The following PCDH15 variants were observed in gnomAD, a reference collection of about 807,000 sequenced individuals.
PCDH15 encodes the protein protocadherin-15.
In PCDH15, 129 loss-of-function variants were observed where a neutral mutation model predicts 178.5. That is an observed-to-expected ratio of 0.72 (90% confidence interval 0.63 to 0.84). PCDH15 has a LOEUF of 0.84. Ranked by LOEUF, PCDH15 falls within the 40% of genes least tolerant of loss-of-function variation. PCDH15 has a pLI of 0.00. For missense variants in PCDH15, 2,230 were observed against 2,099.9 expected, an observed-to-expected ratio of 1.06 and a Z score of -1.21; for synonymous variants, 800 against 732.0, an observed-to-expected ratio of 1.09 and a Z score of -1.50.
Position 55,583,352 on chromosome 10 carries a change from A to G in PCDH15, c.-156+44273T>C, listed in dbSNP as rs140013178. On this transcript the variant is annotated intron_variant, in intron 2 of 5. Coordinates refer to the PCDH15 transcript ENST00000613346. ...CATTCCATTAATTTATATAGCTTCA[A>G]TAGAATATAACATGACCCATAATGT... Among the ~76,000 whole-genome samples, 58 of 152,336 alleles carry G rather than the reference A, an allele frequency of 3.8e-4. No individual in the cohort carries two copies. The East Asian group carries it at 0.011, about 28-fold the overall frequency.
intron 2 of PCDH15, among the ~76,000 whole-genome samples, chr10:55,434,141 C>CAT (rs1392422212): frequency 1.7e-5 from 2 of 116,416 alleles, no homozygotes; most frequent in African/African-American, 6.8e-5. Context: ...AGTGCAGTGG[C>CAT]GCCCTCTAGG....
intron 2 of PCDH15, among the ~76,000 whole-genome samples, chr10:55,577,226 G>A (rs1174685733): frequency 2.6e-5 from 4 of 152,160 alleles, no homozygotes; most frequent in Non-Finnish European, 5.9e-5. Context: ...CTGGGTGACA[G>A]AGTGACTCCA....
chr10:54,884,571 G>A (rs1264397523), intron 3 of PCDH15, among the ~76,000 whole-genome samples: 1 of 151,416 alleles, frequency 6.6e-6, no homozygotes, highest in East Asian at 1.9e-4. Context: ...AAGCCCTCAG[G>A]ACCAGATTCT....
At chr10:53,884,320 C>G (rs547229439) in intron 26 of PCDH15, among the ~76,000 whole-genome samples, 1 of 152,200 alleles carries the variant, frequency 6.6e-6, no homozygotes, top group African/African-American at 2.4e-5. Flanking sequence ...TGTTTTACAC[C>G]CTTTAACAAA....
intron 1 of PCDH15, among the ~76,000 whole-genome samples, chr10:55,197,316 T>G (rs979820312): frequency 5.9e-5 from 9 of 152,056 alleles, no homozygotes; most frequent in African/African-American, 2.2e-4. Context: ...CTCTATTTAT[T>G]CAATAAACAG....
chr10:55,449,822 ATT>A (rs573491502), intron 2 of PCDH15, among the ~76,000 whole-genome samples: 1 of 151,888 alleles, frequency 6.6e-6, no homozygotes, highest in Middle Eastern at 3.4e-3. Flanking sequence ...TTTTTCACTA[ATT>A]TTTTTTCTGA....
In PCDH15 at chr10:55,187,749, A is replaced by T. The variant is rs1839836183; in HGVS notation, c.-155-21098T>A. Among the ~76,000 whole-genome samples the T allele has an allele frequency of 2.0e-5, 3 of 152,016 alleles. No homozygotes were observed. The South Asian group carries it at 6.2e-4, about 31-fold the overall frequency. On this transcript the variant is annotated intron_variant, in intron 1 of 5. Coordinates refer to the PCDH15 transcript ENST00000458638. ...TCATTAATAAACATCAACAACAAAGAAAAAGAACATGTAACAGAGAGAGGC... is the reference window on the plus strand; with the variant it reads ...TCATTAATAAACATCAACAACAAAGTAAAAGAACATGTAACAGAGAGAGGC...
chr10:54,469,906 T>C (rs1008975619), intron 3 of PCDH15, among the ~76,000 whole-genome samples: 4 of 152,078 alleles, frequency 2.6e-5, no homozygotes, highest in African/African-American at 9.7e-5. Context: ...GTACTAGCTG[T>C]GGTGGTAGCA....
intron 8 of PCDH15, among the ~76,000 whole-genome samples, chr10:54,279,471 G>A (rs537648119): frequency 6.6e-6 from 1 of 151,644 alleles, no homozygotes; most frequent in Non-Finnish European, 1.5e-5. Context: ...GTTCGCTGTT[G>A]TGGAAAGTTT....
At chr10:54,715,362 C>A (rs1193802244) in intron 1 of PCDH15, among the ~76,000 whole-genome samples, 1 of 150,966 alleles carries the variant, frequency 6.6e-6, no homozygotes, top group Non-Finnish European at 1.5e-5. Flanking sequence ...TTAAATCGCC[C>A]ATGCACTTGT....
intron 16 of PCDH15, among the ~76,000 whole-genome samples, chr10:54,080,279 C>G (rs1460599432): frequency 6.6e-6 from 1 of 152,026 alleles, no homozygotes; most frequent in Non-Finnish European, 1.5e-5. Flanking sequence ...AATACCTACT[C>G]CTTATCTTTT....
intron 21 of PCDH15, among the ~76,000 whole-genome samples, chr10:53,978,913 T>C (rs1228948959): frequency 6.6e-6 from 1 of 152,172 alleles, no homozygotes. Flanking sequence ...GCCTGGACTT[T>C]ATTGTCCATA....
rs550896588 is a variant in PCDH15 at position 54,574,209 on chromosome 10, G to T, written c.92-46332C>A. Among the ~76,000 whole-genome samples, 183 of 151,414 alleles carry T rather than the reference G, an allele frequency of 1.2e-3. 1 individual carries two copies. Among genetic ancestry groups the T allele is most frequent in the African/African-American group, 4.3e-3 (176 of 41,224 alleles). Reference sequence around the variant, plus strand: ...TCTTGAATTAATTTTTGTATAAGGTGTAAGGAAGGGATCCAGTTTCAGCTT... The same window carrying T: ...TCTTGAATTAATTTTTGTATAAGGTTTAAGGAAGGGATCCAGTTTCAGCTT... On this transcript the variant is annotated intron_variant, in intron 2 of 37. Coordinates refer to ENST00000644397, the MANE Select transcript of PCDH15 (RefSeq NM_001384140.1).
At chr10:54,961,620 C>T (rs1271398043) in intron 2 of PCDH15, among the ~76,000 whole-genome samples, 1 of 152,200 alleles carries the variant, frequency 6.6e-6, no homozygotes, top group Non-Finnish European at 1.5e-5. Context: ...AGACATTCTT[C>T]AGGGTGACCT....
chr10:55,251,736 T>C (rs1290705503), intron 1 of PCDH15, among the ~76,000 whole-genome samples: 1 of 150,826 alleles, frequency 6.6e-6, no homozygotes, highest in East Asian at 1.9e-4. Flanking sequence ...CTCTGATTAA[T>C]TTTTTTTAAA....
intron 3 of PCDH15, among the ~76,000 whole-genome samples, chr10:54,859,502 A>T (rs1953802544): frequency 6.6e-6 from 1 of 151,962 alleles, no homozygotes; most frequent in South Asian, 2.1e-4. Context: ...CATTTTGTAC[A>T]TGAACATAAC....
chr10:53,957,861 T>C (rs1296209201), intron 23 of PCDH15, among the ~76,000 whole-genome samples: 4 of 152,130 alleles, frequency 2.6e-5, no homozygotes, highest in Non-Finnish European at 5.9e-5. Flanking sequence ...ATAATGTACA[T>C]GTGGGTGAGA....
At chr10:53,950,727 T>C (rs938784932) in intron 23 of PCDH15, among the ~76,000 whole-genome samples, 1 of 152,202 alleles carries the variant, frequency 6.6e-6, no homozygotes, top group Non-Finnish European at 1.5e-5. Context: ...ACTTCACCTA[T>C]GGGAGTCAAT....
chr10:53,939,726 C>CATA (rs1181711645), intron 24 of PCDH15, among the ~76,000 whole-genome samples: 1 of 151,852 alleles, frequency 6.6e-6, no homozygotes, highest in African/African-American at 2.4e-5. Context: ...GTAGTTAATA[C>CATA]ATAATAGATG....
Sources: allele counts gnomAD v4.1 joint callset (sites outside exome capture counted in the v4.1 genomes callset), GRCh38; gene constraint gnomAD v4.1.1; transcripts MANE v1.5; gene names NCBI Gene and HGNC (gene_info 2026-07-23, HGNC 2026-07-21).